ZFPM2: variants seen among roughly 807,000 people sequenced by gnomAD.
ZFPM2 encodes the protein zinc finger protein, FOG family member 2.
ZFPM2 carries 20 observed loss-of-function variants against 98.6 expected under a neutral mutation model. That is an observed-to-expected ratio of 0.20 (90% CI 0.14 to 0.29). ZFPM2 has a LOEUF of 0.29. ZFPM2 is among the 10% of genes least tolerant of loss of function. The pLI is 1.00. For missense variants in ZFPM2, 1,310 were observed against 1,388.6 expected (o/e 0.94, Z 0.90); for synonymous variants, 518 against 502.7 (o/e 1.03, Z -0.41).
At chr8:105,663,018 T>C (rs1009382898) in intron 5 of ZFPM2, 3 of 152,206 alleles carry the variant, frequency 2.0e-5, no homozygotes, top group African/African-American at 7.2e-5. Context: ...AACTAATGCA[T>C]TGTTGCCTGT....
At position 105,323,293 on chromosome 8, in the gene ZFPM2, T is replaced by A. The variant is rs192805139; in HGVS notation, c.40+4312T>A. ...ACACAGTTAGAATGTCTTTTTTTTC[T>A]CCTGCCAAATATTAAGACAGGTTTT... On this transcript the variant is annotated intron_variant, in intron 1 of 7. Coordinates refer to ENST00000407775, the MANE Select transcript of ZFPM2 (RefSeq NM_012082.4). Among the ~76,000 whole-genome samples, 1,321 of 152,018 alleles carry A rather than the reference T, an allele frequency of 8.7e-3. 17 individuals are homozygous for A. The highest frequency in any genetic ancestry group is 0.03 in the African/African-American group (1,258 of 41,534).
intron 4 of ZFPM2, among the ~76,000 whole-genome samples, chr8:105,632,729 C>T (rs17218886): frequency 0.1 from 15,851 of 152,030 alleles, 1,054 homozygotes; most frequent in South Asian, 0.21. Context: ...ATCTTTTTCG[C>T]AAGGCTTTTA....
chr8:105,790,412 T>C (rs952834276), intron 6 of ZFPM2, among the ~76,000 whole-genome samples: 1 of 152,222 alleles, frequency 6.6e-6, no homozygotes, highest in African/African-American at 2.4e-5. Context: ...ATATGCGGCA[T>C]TATTTCTGAG....
intron 1 of ZFPM2, among the ~76,000 whole-genome samples, chr8:105,350,847 G>C (rs775752135): frequency 2.6e-5 from 4 of 151,928 alleles, no homozygotes; most frequent in African/African-American, 7.3e-5. Flanking sequence ...TGGAGAATTG[G>C]TTTCAGAACC....
chr8:105,709,501 G>C (rs543041453), intron 5 of ZFPM2, among the ~76,000 whole-genome samples: 63 of 152,090 alleles, frequency 4.1e-4, no homozygotes, highest in Admixed American at 1.0e-3. Flanking sequence ...TAGCTCCCAG[G>C]CTTCCAGATT....
At position 105,730,117 on chromosome 8, in the gene ZFPM2, T is replaced by A. The variant is rs1326641427; in HGVS notation, c.533-58601T>A. Among the ~76,000 whole-genome samples, 3 of 151,742 alleles carry A rather than the reference T, an allele frequency of 2.0e-5. No homozygotes were observed. The East Asian group carries it at 5.9e-4, about 30-fold the overall frequency. On this transcript the variant is annotated intron_variant, in intron 5 of 7. Transcript: ENST00000407775. ...CCTGAGAATAGAGAAGTGTCAAGAA[T>A]GATAAGACCCTGACTTACAGAGGTT...
intron 5 of ZFPM2, among the ~76,000 whole-genome samples, chr8:105,739,809 G>A (rs569600256): frequency 2.0e-5 from 3 of 151,916 alleles, no homozygotes; most frequent in South Asian, 2.1e-4. Context: ...AAAATGGTAG[G>A]GTAGAGGTTG....
intron 5 of ZFPM2, among the ~76,000 whole-genome samples, chr8:105,649,521 CA>C (rs1408317451): frequency 1.3e-5 from 2 of 152,130 alleles, no homozygotes; most frequent in African/African-American, 4.8e-5. Flanking sequence ...GTGGGTTTGT[CA>C]TAAATAGCTC....
chr8:105,668,975 TGTGAAATATCAA>T (rs1346156390), intron 5 of ZFPM2, among the ~76,000 whole-genome samples: 3 of 152,182 alleles, frequency 2.0e-5, no homozygotes, highest in Admixed American at 1.3e-4. Context: ...CCCCTTACAG[TGTGAAATATCAA>T]GTTGTTTAAA....
chr8:105,663,240 C>T (rs1009847261), intron 5 of ZFPM2, among the ~76,000 whole-genome samples: 1 of 152,052 alleles, frequency 6.6e-6, no homozygotes, highest in Non-Finnish European at 1.5e-5. Flanking sequence ...TCGTGGGGGG[C>T]AAGGGAGGAA....
At chr8:105,594,900 T>C (rs1377447622) in intron 4 of ZFPM2, among the ~76,000 whole-genome samples, 1 of 152,094 alleles carries the variant, frequency 6.6e-6, no homozygotes, top group African/African-American at 2.4e-5. Flanking sequence ...CTCAGTCCAA[T>C]GAGAGAATCA....
chr8:105,471,607 G>T, intron 3 of ZFPM2, among the ~76,000 whole-genome samples: 1 of 152,260 alleles, frequency 6.6e-6, no homozygotes, highest in South Asian at 2.1e-4. Context: ...TTCTCTCAAA[G>T]ATTCAGCTCA....
chr8:105,604,879 G>A (rs1375168303), intron 4 of ZFPM2, among the ~76,000 whole-genome samples: 1 of 151,760 alleles, frequency 6.6e-6, no homozygotes, highest in Non-Finnish European at 1.5e-5. Flanking sequence ...CTAATAAGTG[G>A]GTGAGTTCCA....
intron 4 of ZFPM2, among the ~76,000 whole-genome samples, chr8:105,583,895 T>A (rs376954914): frequency 6.6e-6 from 1 of 152,190 alleles, no homozygotes; most frequent in East Asian, 1.9e-4. Context: ...TCATGGAGTA[T>A]CCTTTTCACA....
rs1811947958 is a variant in ZFPM2, at chr8:105,318,465, G to C, written c.-477G>C. Among the ~76,000 whole-genome samples, 1 of 151,016 alleles carries C rather than the reference G, an allele frequency of 6.6e-6. No homozygotes were observed. The highest frequency in any genetic ancestry group is 2.4e-5 in the African/African-American group (1 of 41,208). On this transcript the variant is annotated 5_prime_UTR_variant, in exon 1 of 8. Transcript: ENST00000407775. Reference sequence around the variant, plus strand: ...AACAGGAGCTGCGCGGCCCGGAGCGGCGGCGGCGGCGCCGGAGTATCCGTC... The same window carrying C: ...AACAGGAGCTGCGCGGCCCGGAGCGCCGGCGGCGGCGCCGGAGTATCCGTC...
At chr8:105,380,653 AT>A (rs1436004924) in intron 1 of ZFPM2, among the ~76,000 whole-genome samples, 1 of 31,008 alleles carries the variant, frequency 3.2e-5, no homozygotes, top group Non-Finnish European at 5.2e-5. Context: ...TATTATATAT[AT>A]ATATTATATA....
intron 5 of ZFPM2, among the ~76,000 whole-genome samples, chr8:105,655,613 C>T (rs909654816): frequency 6.2e-4 from 94 of 152,252 alleles, no homozygotes; most frequent in African/African-American, 2.2e-3. Flanking sequence ...CCCATTTCAA[C>T]TTATTTAAAA....
At position 105,523,087 on chromosome 8, in the gene ZFPM2, C is replaced by T. The variant is rs191137887; in HGVS notation, c.302-38276C>T. ...TTAGTTTTAATTAATTCATTTTTTT[C>T]ATCTGAAATGGGCTTAAAATTACCT... On this transcript the variant is annotated intron_variant, in intron 3 of 7. Transcript: ENST00000407775. Among the ~76,000 whole-genome samples, 31 of 152,218 alleles carry T rather than the reference C, an allele frequency of 2.0e-4. 1 individual carries two copies. Among genetic ancestry groups the T allele is most frequent in the Admixed American group, 1.8e-3 (28 of 15,284 alleles).
At chr8:105,484,289 A>T (rs1813185657) in intron 3 of ZFPM2, among the ~76,000 whole-genome samples, 1 of 151,954 alleles carries the variant, frequency 6.6e-6, no homozygotes, top group East Asian at 1.9e-4. Flanking sequence ...ATCTTAATAA[A>T]TTTTTTTTAA....
Sources: allele counts gnomAD v4.1 joint callset (sites outside exome capture counted in the v4.1 genomes callset), GRCh38; gene constraint gnomAD v4.1.1; transcripts MANE v1.5; gene names NCBI Gene and HGNC (gene_info 2026-07-23, HGNC 2026-07-21).